Variants in TM9SF3 observed in about 807,000 individuals in gnomAD.
The protein encoded by TM9SF3 is SM-11044-binding protein.
A neutral mutation model predicts 78.6 loss-of-function variants in TM9SF3; 14 were observed. The ratio of observed to expected loss-of-function variants is 0.18; its 90% CI spans 0.12 to 0.28. TM9SF3 has a LOEUF of 0.28. Ranked by LOEUF, TM9SF3 falls within the 10% of genes least tolerant of loss-of-function variation. TM9SF3 has a pLI of 1.00. For missense variants in TM9SF3, 496 were observed against 721.9 expected (o/e 0.69, Z 3.59); for synonymous variants, 231 against 241.7 (o/e 0.96, Z 0.41).
At chr10:96,559,525 T>C (rs559711051) in intron 5 of TM9SF3, 134 bp downstream of exon 5, 2 of 545,456 alleles carry the variant, frequency 3.7e-6, no homozygotes, top group Non-Finnish European at 5.8e-6. Context: ...TTCAAGCTCA[T>C]ACTTTAAATC....
intron 9 of TM9SF3, among the ~76,000 whole-genome samples, chr10:96,539,517 T>C (rs1343308590): frequency 2.6e-5 from 4 of 152,046 alleles, no homozygotes; most frequent in African/African-American, 9.7e-5. Context: ...TACCTAAGAA[T>C]AGGGGAGAGA....
Position 96,533,097 on chromosome 10 carries a change from G to C in TM9SF3, c.1279C>G (p.Pro427Ala). 6.2e-7 allele frequency: 1 copy of C among 1,614,068 alleles called. No homozygotes were observed. Among genetic ancestry groups the C allele is most frequent in the Non-Finnish European group, 8.5e-7 (1 of 1,179,984 alleles). Residue 427 changes from proline to alanine, a missense_variant, in exon 10 of 15, where the codon CCT (proline) becomes GCT (alanine). Physicochemically the swap from Pro to Ala is conservative, Grantham distance 27. Transcript: ENST00000371142. The stretch of plus-strand genomic sequence containing the variant: ...CGAGGCACAGCATTGACACGACAAG[G>C]AAAGTTGGGCTGACCTGACAGATTT... The part of the protein sequence containing the change: ...GRNLSGQPNF[P>A]CRVNAVPRPI...
At chr10:96,568,331 T>C (rs911250104) in intron 2 of TM9SF3, among the ~76,000 whole-genome samples, 5 of 152,232 alleles carry the variant, frequency 3.3e-5, no homozygotes, top group African/African-American at 7.2e-5. Context: ...AAAATTATAA[T>C]AGGCTATATC....
intron 6 of TM9SF3, among the ~76,000 whole-genome samples, chr10:96,552,301 T>C (rs747086572): frequency 2.0e-5 from 3 of 151,926 alleles, no homozygotes; most frequent in Non-Finnish European, 4.4e-5. Flanking sequence ...AATAAAAAAA[T>C]AGCCAGGGGT....
intron 14 of TM9SF3, 119 bp from the exon 15 acceptor site, chr10:96,522,449 T>C (rs1346582961): frequency 1.3e-6 from 1 of 758,596 alleles, no homozygotes; most frequent in Non-Finnish European, 2.0e-6. Context: ...AATATCCTTA[T>C]GTTAGTATTC....
chr10:96,571,314 T>C (rs1848434432), intron 2 of TM9SF3, among the ~76,000 whole-genome samples: 1 of 152,216 alleles, frequency 6.6e-6, no homozygotes, highest in Non-Finnish European at 1.5e-5. Flanking sequence ...CTACCCTTCA[T>C]ACAGCTAGAC....
chr10:96,551,425 T>A lies in TM9SF3; in HGVS notation c.793-14A>T. 1 of 1,520,984 alleles carries A rather than the reference T, an allele frequency of 6.6e-7. No individual in the cohort carries two copies. Among genetic ancestry groups the A allele is most frequent in the South Asian group, 1.3e-5 (1 of 76,830 alleles). The allele number at this position is 1,520,984 out of a possible 1,614,324, so 94.2% of individuals were successfully genotyped here. A position where few individuals can be genotyped will look rare whatever the true frequency, so the allele number is the denominator to read the frequency against. The stretch of plus-strand genomic sequence containing the variant: ...TAGGTCTCTATCCTATATACAAATA[T>A]ATATATAGAGAGAGAAAAGCAAATC... On this transcript the variant is annotated splice_polypyrimidine_tract_variant and intron_variant, in intron 6 of 14. Transcript: ENST00000371142.
At chr10:96,584,048 AAAAC>A (rs1222582040) in intron 1 of TM9SF3, among the ~76,000 whole-genome samples, 2 of 152,086 alleles carry the variant, frequency 1.3e-5, no homozygotes, top group Non-Finnish European at 2.9e-5. Flanking sequence ...AAAACAAAAC[AAAAC>A]AAACAAAAAA....
chr10:96,558,243 C>T (rs1207905584), intron 5 of TM9SF3, among the ~76,000 whole-genome samples: 1 of 152,064 alleles, frequency 6.6e-6, no homozygotes, highest in Non-Finnish European at 1.5e-5. Context: ...TTGAAGATTG[C>T]CTGAGCATTA....
chr10:96,562,616 T>C (rs1162909678), intron 3 of TM9SF3, among the ~76,000 whole-genome samples: 4 of 152,184 alleles, frequency 2.6e-5, no homozygotes, highest in Non-Finnish European at 4.4e-5. Flanking sequence ...TGTACACATG[T>C]ATATATGGGC....
At chr10:96,578,901 C>T (rs537535996) in intron 1 of TM9SF3, among the ~76,000 whole-genome samples, 1 of 152,186 alleles carries the variant, frequency 6.6e-6, no homozygotes, top group Non-Finnish European at 1.5e-5. Context: ...CATGGTGAAA[C>T]CCTGTCTCTA....
At chr10:96,562,860 A>G (rs1403985383) in intron 3 of TM9SF3, among the ~76,000 whole-genome samples, 3 of 152,206 alleles carry the variant, frequency 2.0e-5, no homozygotes, top group Non-Finnish European at 4.4e-5. Context: ...TATTTGTCCA[A>G]TGTTCCCCAC....
intron 5 of TM9SF3, among the ~76,000 whole-genome samples, chr10:96,557,328 A>G (rs1848245823): frequency 6.6e-6 from 1 of 152,120 alleles, no homozygotes; most frequent in South Asian, 2.1e-4. Flanking sequence ...CAGTGATGTC[A>G]GCTCCACTCA....
chr10:96,567,331 C>T (rs1266361183), intron 2 of TM9SF3, among the ~76,000 whole-genome samples: 2 of 152,092 alleles, frequency 1.3e-5, no homozygotes, highest in African/African-American at 2.4e-5. Context: ...GTGAACCGCC[C>T]GCCTCAGCCT....
At chr10:96,525,142 C>T (rs1308601178) in intron 14 of TM9SF3, among the ~76,000 whole-genome samples, 3 of 151,928 alleles carry the variant, frequency 2.0e-5, no homozygotes, top group Non-Finnish European at 4.4e-5. Flanking sequence ...CTATACCTCA[C>T]TGAATGCTGG....
intron 2 of TM9SF3, among the ~76,000 whole-genome samples, chr10:96,575,679 CAATG>C (rs1848488632): frequency 6.9e-6 from 1 of 145,356 alleles, no homozygotes; most frequent in Non-Finnish European, 1.5e-5. Flanking sequence ...CACATGGAGA[CAATG>C]AAGTCAAAAC....
Position 96,570,163 on chromosome 10 carries a change from T to C in TM9SF3, c.299-4737A>G, listed in dbSNP as rs556811881. ...GAACAAAAGCAGAACAAAAACTATATATAACTTACTAAATGTGTTAGAATG... is the reference window on the plus strand; with the variant it reads ...GAACAAAAGCAGAACAAAAACTATACATAACTTACTAAATGTGTTAGAATG... On this transcript the variant is annotated intron_variant, in intron 2 of 14. Transcript: ENST00000371142. 3.9e-5 allele frequency among the ~76,000 whole-genome samples: 6 copies of C among 152,354 alleles called. No individual in the cohort carries two copies. The East Asian group carries it at 1.2e-3, about 29-fold the overall frequency.
chr10:96,536,471 C>A (rs1847961898), intron 9 of TM9SF3, among the ~76,000 whole-genome samples: 1 of 152,062 alleles, frequency 6.6e-6, no homozygotes, highest in Admixed American at 6.5e-5. Context: ...AAAGTTTTTA[C>A]TTTATTGTAA....
intron 1 of TM9SF3, among the ~76,000 whole-genome samples, chr10:96,585,119 G>C (rs4919037): frequency 0.59 from 89,209 of 151,826 alleles, 27,897 homozygotes; most frequent in East Asian, 0.83. Context: ...AATCACAGCA[G>C]TGTAAGTCAC....
Sources: allele counts gnomAD v4.1 joint callset (sites outside exome capture counted in the v4.1 genomes callset), GRCh38; gene constraint gnomAD v4.1.1; transcripts MANE v1.5; gene names NCBI Gene and HGNC (gene_info 2026-07-23, HGNC 2026-07-21).